The following SPECC1L variants were observed in gnomAD, a reference collection of about 807,000 sequenced individuals.
The protein encoded by SPECC1L is cytospin-A.
SPECC1L carries 40 observed loss-of-function variants against 116.8 expected under a neutral mutation model. That is an observed-to-expected ratio of 0.34 (90% CI 0.27 to 0.45). SPECC1L has a LOEUF of 0.45. Among genes scored for constraint, SPECC1L ranks in the 20% least tolerant of loss-of-function variants. The probability of loss-of-function intolerance (pLI) is 1.00; values close to 1 mark genes in which losing one functional copy is unlikely to be tolerated. For synonymous variants in SPECC1L, 504 were observed against 500.6 expected (o/e 1.01, Z -0.09); for missense variants, 1,110 against 1,373.6 (o/e 0.81, Z 3.03).
intron 3 of SPECC1L, among the ~76,000 whole-genome samples, chr22:24,304,741 T>C (rs2049455485): frequency 6.6e-6 from 1 of 152,244 alleles, no homozygotes. Context: ...TATTTCTCCA[T>C]GATTATTTGT....
At chr22:24,316,208 T>A (rs2146451662) in intron 4 of SPECC1L, among the ~76,000 whole-genome samples, 1 of 152,386 alleles carries the variant, frequency 6.6e-6, no homozygotes, top group Middle Eastern at 3.4e-3. Context: ...TTATTCTGTC[T>A]ACTCATTACA....
chr22:24,345,068 CATT>C (rs1364574344), intron 10 of SPECC1L, among the ~76,000 whole-genome samples: 2 of 152,058 alleles, frequency 1.3e-5, no homozygotes, highest in Non-Finnish European at 2.9e-5. Context: ...ATATTCAAAA[CATT>C]GTTGTGGTCG....
At chr22:24,352,000 G>A (rs1446581992) in intron 11 of SPECC1L, among the ~76,000 whole-genome samples, 1 of 151,336 alleles carries the variant, frequency 6.6e-6, no homozygotes, top group East Asian at 1.9e-4. Context: ...AAAAAAAAAA[G>A]ATGCTGCCTC....
chr22:24,291,788 T>G (rs1403470997), intron 2 of SPECC1L, among the ~76,000 whole-genome samples: 1 of 152,190 alleles, frequency 6.6e-6, no homozygotes, highest in Non-Finnish European at 1.5e-5. Context: ...GAAACAGATT[T>G]CAGAGAGGTT....
intron 14 of SPECC1L, among the ~76,000 whole-genome samples, chr22:24,380,472 A>T (rs560802742): frequency 3.8e-4 from 58 of 152,340 alleles, no homozygotes; most frequent in African/African-American, 1.3e-3. Context: ...TGCGTGCTTT[A>T]TGAAGAAGCC....
intron 2 of SPECC1L, among the ~76,000 whole-genome samples, chr22:24,283,234 A>G (rs1253976572): frequency 6.6e-6 from 1 of 151,412 alleles, no homozygotes; most frequent in Non-Finnish European, 1.5e-5. Context: ...GCTGGCCACC[A>G]TGCCCGGCTA....
At chr22:24,390,876 T>TCTTTTC (rs1556306141) in intron 14 of SPECC1L, among the ~76,000 whole-genome samples, 1 of 107,800 alleles carries the variant, frequency 9.3e-6, no homozygotes, top group African/African-American at 3.9e-5. Flanking sequence ...TCTTTTCTTT[T>TCTTTTC]TTTTTTTTTT....
chr22:24,369,237 C>T lies in SPECC1L; in HGVS notation c.3004C>T (p.Leu1002Phe), dbSNP rs1346884357. ...SRIREERKDP[L>F]SALAREYGGS... The stretch of plus-strand genomic sequence containing the variant: ...TTTCAGAGAAGAAAGGAAAGACCCT[C>T]TCTCAGCATTGGCCAGAGAATATGG... Residue 1002 changes from leucine (L) to phenylalanine (F), a missense_variant, in exon 14 of 17, where the codon CTC becomes TTC. Leu to Phe is a conservative substitution (Grantham distance 22). Transcript: ENST00000314328. The T allele has an allele frequency of 2.5e-6, 4 of 1,613,594 alleles. No homozygotes were observed. The highest frequency in any genetic ancestry group is 1.1e-5 in the South Asian group (1 of 91,070).
Position 24,313,293 on chromosome 22 carries a change from T to C in SPECC1L, c.154-20T>C. 1 of 1,613,998 alleles carries C rather than the reference T, an allele frequency of 6.2e-7. No individual in the cohort carries two copies. Among genetic ancestry groups the C allele is most frequent in the Non-Finnish European group, 8.5e-7 (1 of 1,179,966 alleles). ...CTTGCTTGATCTAGTAAATTTGTTT[T>C]TATTTTCTGTTGCTTCTAGACCAAG... On this transcript the variant is annotated intron_variant, in intron 3 of 16. Coordinates refer to ENST00000314328, the MANE Select transcript of SPECC1L (RefSeq NM_015330.6).
rs1170220453 is a variant in SPECC1L at position 24,288,617 on chromosome 22, T to A, written c.-38+11814T>A. On this transcript the variant is annotated intron_variant, in intron 2 of 16. Coordinates refer to ENST00000314328, the MANE Select transcript of SPECC1L (RefSeq NM_015330.6). ...CTTCTCAAATCCAAAATTTTAAGCT[T>A]TTTTTTTTTTTTTTTTTTTTTTTTT... Among the ~76,000 whole-genome samples the A allele has an allele frequency of 5.3e-3, 317 of 59,578 alleles. 1 individual carries two copies. Among genetic ancestry groups the A allele is most frequent in the Middle Eastern group, 0.014 (2 of 140 alleles). 39.1% of individuals were successfully genotyped at this position (59,578 alleles called of 152,430 possible).
intron 14 of SPECC1L, among the ~76,000 whole-genome samples, chr22:24,384,921 A>G (rs569788607): frequency 1.9e-4 from 29 of 152,152 alleles, no homozygotes; most frequent in African/African-American, 6.7e-4. Flanking sequence ...CTAAAAATAC[A>G]AAAAATTAGG....
chr22:24,388,708 T>C (rs1021407703), intron 14 of SPECC1L, among the ~76,000 whole-genome samples: 1 of 152,206 alleles, frequency 6.6e-6, no homozygotes, highest in African/African-American at 2.4e-5. Context: ...CTGCAAACTC[T>C]CTTGCCATGT....
At chr22:24,311,587 T>C (rs2040460989) in intron 3 of SPECC1L, among the ~76,000 whole-genome samples, 1 of 152,088 alleles carries the variant, frequency 6.6e-6, no homozygotes, top group African/African-American at 2.4e-5. Flanking sequence ...GGCAGATCAC[T>C]TGATGCCAGG....
At chr22:24,349,046 T>C (rs1198068851) in intron 11 of SPECC1L, among the ~76,000 whole-genome samples, 1 of 152,008 alleles carries the variant, frequency 6.6e-6, no homozygotes, top group Non-Finnish European at 1.5e-5. Flanking sequence ...CTTTTTTTTT[T>C]CTTTGTTTTT....
At chr22:24,351,175 A>G (rs1422988552) in intron 11 of SPECC1L, among the ~76,000 whole-genome samples, 4 of 152,212 alleles carry the variant, frequency 2.6e-5, no homozygotes, top group Non-Finnish European at 4.4e-5. Flanking sequence ...GTGTGTCTCA[A>G]GCTTACCTGA....
chr22:24,302,202 T>G lies in SPECC1L; in HGVS notation c.-30T>G. 6.2e-7 allele frequency: 1 copy of G among 1,613,628 alleles called. No individual in the cohort carries two copies. Among genetic ancestry groups the G allele is most frequent in the African/African-American group, 1.3e-5 (1 of 75,024 alleles). On this transcript the variant is annotated 5_prime_UTR_variant, in exon 3 of 17. Transcript: ENST00000314328. Reference sequence around the variant, plus strand: ...GCCATTTTTTTCCCACAGATTTGCTTGTAAATGCATCACGAAGAGGCAGCC... The same window carrying G: ...GCCATTTTTTTCCCACAGATTTGCTGGTAAATGCATCACGAAGAGGCAGCC...
intron 5 of SPECC1L, 146 bp downstream of exon 5, chr22:24,323,064 T>C: frequency 2.1e-6 from 3 of 1,413,836 alleles, no homozygotes; most frequent in Non-Finnish European, 2.8e-6. Flanking sequence ...GGGAATGGTT[T>C]CCTTTTATTG....
At chr22:24,288,576 A>AT (rs2049091886) in intron 2 of SPECC1L, among the ~76,000 whole-genome samples, 1 of 94,382 alleles carries the variant, frequency 1.1e-5, no homozygotes, top group Non-Finnish European at 2.2e-5. Flanking sequence ...ATTTTAACTT[A>AT]TTTAGTTTAG....
rs769986955 is a variant in SPECC1L at position 24,321,303 on chromosome 22, C to T, written c.323C>T (p.Thr108Ile). Reference protein sequence around the residue: ...SKISTGTASSTKRSTSTGNKE... With the variant: ...SKISTGTASSIKRSTSTGNKE... ...AAACACATAGGCACAGCTTCTTCAA[C>T]CAAGCGGAGCACTTCTACAGGTAAT... Residue 108 changes from threonine to isoleucine, a missense_variant, in exon 5 of 17, where the codon ACC (threonine) becomes ATC (isoleucine). Around this residue, in one of 4 missense-constraint regions of SPECC1L, gnomAD observed 437 missense variants for 482.6 expected, o/e 0.91. Transcript: ENST00000314328. 8 of 1,614,006 alleles carry T rather than the reference C, an allele frequency of 5.0e-6. No individual in the cohort carries two copies. The highest frequency in any genetic ancestry group is 5.9e-6 in the Non-Finnish European group (7 of 1,180,032).
Sources: gnomAD v4.1 joint callset for allele counts (sites outside exome capture counted in the v4.1 genomes callset) on GRCh38, gnomAD v4.1.1 for gene constraint, gnomAD v4.1.1 regional missense constraint, MANE v1.5 for transcripts, NCBI Gene and HGNC (gene_info 2026-07-23, HGNC 2026-07-21) for gene names.